Variants in CHUK observed in about 807,000 individuals in gnomAD.
CHUK encodes inhibitor of nuclear factor kappa-B kinase subunit alpha.
Under a neutral mutation model 104.8 loss-of-function variants are expected in CHUK, and 35 were observed. That is an observed-to-expected ratio of 0.33 (90% confidence interval 0.26 to 0.44). The LOEUF (loss-of-function observed/expected upper bound fraction) is 0.44. Among genes scored for constraint, CHUK ranks in the 20% least tolerant of loss-of-function variants. CHUK has a pLI of 1.00. For missense variants in CHUK, 663 were observed against 902.7 expected (o/e 0.73, Z 3.40); for synonymous variants, 276 against 291.9 (o/e 0.95, Z 0.56).
At chr10:100,192,099 C>A (rs1441193949) in intron 19 of CHUK, among the ~76,000 whole-genome samples, 1 of 152,224 alleles carries the variant, frequency 6.6e-6, no homozygotes, top group Non-Finnish European at 1.5e-5. Context: ...GCCTGGGCGA[C>A]AGAATGAGAC....
At position 100,193,806 on chromosome 10, in the gene CHUK, GATA is replaced by G. The variant is rs1472363124; in HGVS notation, c.1974+175_1974+177del. 20 of 650,088 alleles carry G rather than the reference GATA, an allele frequency of 3.1e-5. No homozygotes were observed. The East Asian group carries it at 4.6e-4, about 15-fold the overall frequency. The allele number at this position is 650,088 out of a possible 1,614,324, so 40.3% of individuals were successfully genotyped here. On this transcript the variant is annotated intron_variant, in intron 18 of 20. Transcript: ENST00000370397. Reference sequence around the variant, plus strand: ...AACAGAGAAATTGGAAAGGAGAGATGATAATAAGTCCTGCATCTCAATTGCTAG... The same window carrying G: ...AACAGAGAAATTGGAAAGGAGAGATGATAAGTCCTGCATCTCAATTGCTAG...
At chr10:100,226,040 G>GA (rs572441235) in intron 1 of CHUK, 23 bp from the exon 2 acceptor site, 7,569 of 1,278,304 alleles carry the variant, frequency 5.9e-3, no homozygotes, top group Non-Finnish European at 7.1e-3. Context: ...AAAATCAACA[G>GA]AAAAAAAAAA....
intron 9 of CHUK, among the ~76,000 whole-genome samples, chr10:100,217,178 G>A (rs1234489850): frequency 1.3e-5 from 2 of 150,702 alleles, no homozygotes; most frequent in African/African-American, 4.9e-5. Flanking sequence ...GTTAAGAGAA[G>A]CAGGTACAAG....
chr10:100,228,595 G>A (rs539563322), intron 1 of CHUK, among the ~76,000 whole-genome samples: 10 of 152,320 alleles, frequency 6.6e-5, no homozygotes, highest in African/African-American at 2.4e-4. Context: ...GGAGGAGGCT[G>A]CAGTGAGCCG....
At chr10:100,215,213 T>TAAAA (rs1564838522) in intron 9 of CHUK, among the ~76,000 whole-genome samples, 97 of 47,250 alleles carry the variant, frequency 2.1e-3, no homozygotes, top group African/African-American at 0.014. Flanking sequence ...AGGCTCCATA[T>TAAAA]CAAAAAAAAA....
rs1005031077 is a variant in CHUK, at chr10:100,229,581, G to C, written c.-49C>G. 3 of 1,171,488 alleles carry C rather than the reference G, an allele frequency of 2.6e-6. No individual in the cohort carries two copies. The highest frequency in any genetic ancestry group is 2.6e-5 in the East Asian group (1 of 38,948). 72.6% of individuals were successfully genotyped at this position (1,171,488 alleles called of 1,614,324 possible). A position where few individuals can be genotyped will look rare whatever the true frequency, so the allele number is the denominator to read the frequency against. On this transcript the variant is annotated 5_prime_UTR_variant, in exon 1 of 21. Transcript: ENST00000370397. ...AGGTTCCACAGTTGTTCCAAGGCCG[G>C]TTCCGGGCCGCCGATGCTCGCGCGT...
intron 11 of CHUK, among the ~76,000 whole-genome samples, chr10:100,206,364 GCCTCC>G (rs1283900178): frequency 6.6e-6 from 1 of 151,686 alleles, no homozygotes; most frequent in Non-Finnish European, 1.5e-5. Context: ...TGCAACCTCC[GCCTCC>G]CAGGTAAAAT....
In CHUK at chr10:100,201,331, A is replaced by T. The variant is rs553116363; in HGVS notation, c.1570-551T>A. On this transcript the variant is annotated intron_variant, in intron 14 of 20. Transcript: ENST00000370397. ...AAATCTGCCACCTAGAGAATGAGCTATACCTAGGGACACCATATAATTTAT... is the reference window on the plus strand; with the variant it reads ...AAATCTGCCACCTAGAGAATGAGCTTTACCTAGGGACACCATATAATTTAT... Among the ~76,000 whole-genome samples, 15 of 152,288 alleles carry T rather than the reference A, an allele frequency of 9.8e-5. No individual in the cohort carries two copies. In the South Asian group the frequency reaches 1.5e-3, roughly 15 times the overall value.
At chr10:100,206,738 A>C (rs755784087) in intron 11 of CHUK, among the ~76,000 whole-genome samples, 1 of 152,210 alleles carries the variant, frequency 6.6e-6, no homozygotes, top group Admixed American at 6.5e-5. Context: ...GATTACATAC[A>C]TTTTAGCCCC....
intron 2 of CHUK, among the ~76,000 whole-genome samples, chr10:100,223,482 T>A (rs145566867): frequency 6.6e-6 from 1 of 150,976 alleles, no homozygotes; most frequent in Non-Finnish European, 1.5e-5. Context: ...CTACAAAAAA[T>A]TAAAAATTAG....
rs184212394 is a variant in CHUK at position 100,189,720 on chromosome 10, T to C, written c.2209-93A>G. On this transcript the variant is annotated intron_variant, in intron 20 of 20. Transcript: ENST00000370397. ...TTTTGCAAGTTTTCTGTTTGGACAT[T>C]TCATAATCAAAAGTTGAAAAATCAT... 2.7e-4 allele frequency: 233 copies of C among 860,786 alleles called. No individual in the cohort carries two copies. In the African/African-American group the frequency reaches 3.4e-3, roughly 13 times the overall value. The allele number at this position is 860,786 out of a possible 1,614,324, so 53.3% of individuals were successfully genotyped here. A position where few individuals can be genotyped will look rare whatever the true frequency, so the allele number is the denominator to read the frequency against.
chr10:100,212,008 G>A (rs1017589826), intron 9 of CHUK, among the ~76,000 whole-genome samples: 1 of 151,974 alleles, frequency 6.6e-6, no homozygotes, highest in African/African-American at 2.4e-5. Context: ...TCAGCCTACG[G>A]AGTAGCTGGG....
At chr10:100,202,218 T>C in intron 13 of CHUK, 69 bp from the exon 14 acceptor site, 2 of 1,003,530 alleles carry the variant, frequency 2.0e-6, no homozygotes, top group Non-Finnish European at 3.2e-6. Context: ...GCCTGCCTCC[T>C]TGCCATATCA....
At chr10:100,202,339 G>A (rs548330459) in intron 13 of CHUK, among the ~76,000 whole-genome samples, 190 bp from the exon 14 acceptor site, 1 of 152,286 alleles carries the variant, frequency 6.6e-6, no homozygotes, top group Admixed American at 6.5e-5. Context: ...CATTACAGAA[G>A]TAATCAGATA....
At chr10:100,218,887 AT>A in intron 7 of CHUK, 62 bp from the exon 8 acceptor site, 1 of 1,496,472 alleles carries the variant, frequency 6.7e-7, no homozygotes, top group Non-Finnish European at 9.3e-7. Context: ...ATTTCTTGCC[AT>A]TTAATTATAT....
At chr10:100,214,070 G>A (rs1845797833) in intron 9 of CHUK, among the ~76,000 whole-genome samples, 2 of 152,084 alleles carry the variant, frequency 1.3e-5, no homozygotes, top group Non-Finnish European at 2.9e-5. Context: ...CACTATGACA[G>A]CTGCCACTTA....
At chr10:100,194,587 A>G in intron 16 of CHUK, 66 bp from the exon 17 acceptor site, 4 of 1,005,284 alleles carry the variant, frequency 4.0e-6, no homozygotes, top group Non-Finnish European at 6.2e-6. Flanking sequence ...CAAACAAAAA[A>G]TTCCTCAAAA....
intron 2 of CHUK, 47 bp downstream of exon 2, chr10:100,225,876 G>T: frequency 9.5e-7 from 1 of 1,051,842 alleles, no homozygotes; most frequent in Non-Finnish European, 1.5e-6. Context: ...GATGACATCT[G>T]GTTGGGCTGT....
chr10:100,188,684 G>C lies in CHUK; in HGVS notation c.*914C>G, dbSNP rs1422880133. 1.3e-5 allele frequency: 2 copies of C among 152,222 alleles called. No individual in the cohort carries two copies. The highest frequency in any genetic ancestry group is 4.8e-5 in the African/African-American group (2 of 41,426). The allele number at this position is 152,222 out of a possible 1,614,324, so 9.4% of individuals were successfully genotyped here. ...GATAAAAAGATTCAAGGTCAGTTCA[G>C]ATTAGATTGCAAGCAAATGAATTTT... On this transcript the variant is annotated 3_prime_UTR_variant, in exon 21 of 21. Transcript: ENST00000370397.
Sources: gnomAD v4.1 joint callset for allele counts (sites outside exome capture counted in the v4.1 genomes callset) on GRCh38, gnomAD v4.1.1 for gene constraint, MANE v1.5 for transcripts, NCBI Gene and HGNC (gene_info 2026-07-23, HGNC 2026-07-21) for gene names.